The following ADPGK variants were observed in gnomAD, a reference collection of about 807,000 sequenced individuals.
ADPGK encodes ADP-dependent glucokinase.
ADPGK carries 26 observed loss-of-function variants against 42.4 expected under a neutral mutation model. That is an observed-to-expected ratio of 0.61 (90% confidence interval 0.45 to 0.85). The LOEUF (loss-of-function observed/expected upper bound fraction) is 0.85, where lower values mean the gene tolerates loss of function less well. ADPGK is among the 40% of genes least tolerant of loss of function. The probability of loss-of-function intolerance (pLI) is 0.00; values close to 1 mark genes in which losing one functional copy is unlikely to be tolerated. For missense variants in ADPGK, 571 were observed against 627.0 expected, an observed-to-expected ratio of 0.91 and a Z score of 0.95; for synonymous variants, 267 against 252.6, an observed-to-expected ratio of 1.06 and a Z score of -0.54.
chr15:72,759,453 AC>A (rs1566948818), intron 4 of ADPGK, among the ~76,000 whole-genome samples: 1 of 152,102 alleles, frequency 6.6e-6, no homozygotes, highest in African/African-American at 2.4e-5. Flanking sequence ...TTAATTCCCA[AC>A]TGATTCTAGT....
At chr15:72,777,455 G>GAGACCA (rs1394935150) in intron 1 of ADPGK, among the ~76,000 whole-genome samples, 1 of 152,140 alleles carries the variant, frequency 6.6e-6, no homozygotes, top group Non-Finnish European at 1.5e-5. Context: ...CGAGGCAGGT[G>GAGACCA]GATCATGAGG....
chr15:72,773,128 GT>G (rs2151088516), intron 2 of ADPGK, among the ~76,000 whole-genome samples: 1 of 152,058 alleles, frequency 6.6e-6, no homozygotes, highest in Non-Finnish European at 1.5e-5. Context: ...AAAAAAAAGG[GT>G]GGGGGGGAGG....
intron 3 of ADPGK, among the ~76,000 whole-genome samples, chr15:72,761,169 C>A (rs2066187617): frequency 6.6e-6 from 1 of 152,154 alleles, no homozygotes; most frequent in Non-Finnish European, 1.5e-5. Flanking sequence ...GTTGCTTGAG[C>A]CCCCAAGTCT....
chr15:72,756,647 A>AAC (rs1382810923), intron 4 of ADPGK, 200 bp from the exon 5 acceptor site: 2 of 602,040 alleles, frequency 3.3e-6, no homozygotes, highest in Admixed American at 3.0e-5. Flanking sequence ...AAACCCAGCC[A>AAC]AGAAACAGAA....
chr15:72,755,765 G>A, intron 5 of ADPGK, 111 bp from the exon 6 acceptor site: 2 of 799,966 alleles, frequency 2.5e-6, no homozygotes, highest in Non-Finnish European at 4.1e-6. Context: ...GGCCTTCTTT[G>A]CATGCTCACG....
intron 3 of ADPGK, among the ~76,000 whole-genome samples, chr15:72,760,753 G>A (rs2066182401): frequency 6.6e-6 from 1 of 152,126 alleles, no homozygotes; most frequent in Admixed American, 6.5e-5. Flanking sequence ...AGAACTGAGA[G>A]GCTGACAAAA....
rs1388448417 is a variant in ADPGK at position 72,752,779 on chromosome 15, C to T, written c.1056G>A (p.Val352=). ...AGAAGAGGATGTCACTGACCATGCC[C>T]ACATCAGGAACACCGTTCCAGGAAG... ...SLSSWNGVPD[V]GMVSDILFWI... The change falls in exon 7 of 7, where the codon GTG becomes GTA. Residue 352 remains valine (V), a synonymous_variant. Coordinates refer to ENST00000456471, the MANE Select transcript of ADPGK (RefSeq NM_001365225.1). 13 of 1,614,080 alleles carry T rather than the reference C, an allele frequency of 8.1e-6. No homozygotes were observed. In the Admixed American group the frequency reaches 2.0e-4, roughly 25 times the overall value.
chr15:72,780,466 G>C (rs1010043893), intron 1 of ADPGK, among the ~76,000 whole-genome samples: 1 of 152,130 alleles, frequency 6.6e-6, no homozygotes, highest in Admixed American at 6.6e-5. Flanking sequence ...AGATTTGAGT[G>C]GGGACACAAA....
chr15:72,754,936 G>A (rs1050271474), intron 6 of ADPGK, among the ~76,000 whole-genome samples: 1 of 152,174 alleles, frequency 6.6e-6, no homozygotes, highest in African/African-American at 2.4e-5. Flanking sequence ...TAGGGAAGGG[G>A]AGGAAGTAGA....
At position 72,783,496 on chromosome 15, in the gene ADPGK, C is replaced by G. The variant is rs776209142; in HGVS notation, c.196G>C (p.Val66Leu). The G allele has an allele frequency of 5.5e-6, 8 of 1,450,770 alleles. No individual in the cohort carries two copies. The African/African-American group carries it at 5.9e-5, about 11-fold the overall frequency. 89.9% of individuals were successfully genotyped at this position (1,450,770 alleles called of 1,614,324 possible). ...CGGCGCCAGCGCCGGACTGGCCGCA[C>G]GATAAGCGCGTCCCAGGCTGCCGCC... ...RLAAAWDALI[V>L]RPVRRWRRVA... Residue 66 changes from valine (V) to leucine (L), a missense_variant, in exon 1 of 7, where the codon GTG (valine) becomes CTG (leucine). Val to Leu is a conservative substitution (Grantham distance 32). Coordinates refer to ENST00000456471, the MANE Select transcript of ADPGK (RefSeq NM_001365225.1).
chr15:72,762,229 TCGAACTCCTGAGCTCAA>T lies in ADPGK; in HGVS notation c.523-1719_523-1703del, dbSNP rs1162973492. 2.0e-5 allele frequency among the ~76,000 whole-genome samples: 3 copies of T among 152,116 alleles called. No individual in the cohort carries two copies. The East Asian group carries it at 5.8e-4, about 29-fold the overall frequency. On this transcript the variant is annotated intron_variant, in intron 3 of 6. Transcript: ENST00000456471. ...CCTCACTATGTTGCCCAGGCTAGTC[TCGAACTCCTGAGCTCAA>T]GAGATCCTCCCAACTCAGCCTCCCA...
chr15:72,752,411 C>T lies in ADPGK; in HGVS notation c.1424G>A (p.Arg475Gln), dbSNP rs765461850. 18 of 1,614,080 alleles carry T rather than the reference C, an allele frequency of 1.1e-5. No individual in the cohort carries two copies. The highest frequency in any genetic ancestry group is 2.7e-5 in the African/African-American group (2 of 74,924). ...TPVLVCKDPI[R>Q]TVGLGDAISA... is the part of the protein sequence containing the mutation. ...AATGGCATCTCCAAGGCCTACAGTT[C>T]GAATGGGGTCTTTACACACCAATAC... Residue 475 changes from arginine (R) to glutamine (Q), a missense_variant, in exon 7 of 7, where the codon CGA (arginine) becomes CAA (glutamine). Arg to Gln is a conservative substitution (Grantham distance 43, BLOSUM62 1). Transcript: ENST00000456471.
intron 4 of ADPGK, chr15:72,758,416 TAA>T: frequency 2.1e-6 from 1 of 480,956 alleles, no homozygotes; most frequent in Admixed American, 3.4e-5. Context: ...GGAGATCTGG[TAA>T]GAGAGAATGT....
intron 1 of ADPGK, among the ~76,000 whole-genome samples, chr15:72,782,527 CA>C (rs5813692): frequency 2.6e-4 from 16 of 61,278 alleles, no homozygotes; most frequent in African/African-American, 9.0e-4. Context: ...ACCCTGTGTC[CA>C]AAAAAAAAAA....
At chr15:72,782,863 T>C (rs2066482333) in intron 1 of ADPGK, 1 of 152,252 alleles carries the variant, frequency 6.6e-6, no homozygotes, top group South Asian at 2.1e-4. Context: ...GGTAGTGTCA[T>C]TTGGAAGAAC....
intron 1 of ADPGK, chr15:72,783,183 A>T: frequency 1.7e-6 from 2 of 1,201,590 alleles, no homozygotes; most frequent in Non-Finnish European, 2.1e-6. Flanking sequence ...AACGAGGAAG[A>T]AGGCTCGGAG....
In ADPGK at chr15:72,774,959, C is replaced by A; in HGVS notation, c.372G>T (p.Gly124=). ...AGAAGCGCTCAGCAGCTGCTCCCTTCCCCATGAAGTGAATGAAGGCTTCTT... is the reference window on the plus strand; with the variant it reads ...AGAAGCGCTCAGCAGCTGCTCCCTTACCCATGAAGTGAATGAAGGCTTCTT... ...DLEEAFIHFM[G]KGAAAERFFS... is the part of the protein sequence containing the mutation. The change falls in exon 2 of 7, where the codon GGG becomes GGT. Residue 124 remains glycine, a synonymous_variant. Transcript: ENST00000456471. 6.2e-7 allele frequency: 1 copy of A among 1,614,180 alleles called. No individual in the cohort carries two copies. Among genetic ancestry groups the A allele is most frequent in the Middle Eastern group, 1.6e-4 (1 of 6,062 alleles).
At chr15:72,775,291 G>A (rs2066378356) in intron 1 of ADPGK, 194 bp from the exon 2 acceptor site, 2 of 588,920 alleles carry the variant, frequency 3.4e-6, no homozygotes, top group Non-Finnish European at 6.0e-6. Flanking sequence ...ATTAGCATCA[G>A]AACACAGGAC....
In ADPGK at chr15:72,783,636, C is replaced by T. The variant is rs2066499362; in HGVS notation, c.56G>A (p.Cys19Tyr). The T allele has an allele frequency of 1.3e-6, 2 of 1,512,994 alleles. No individual in the cohort carries two copies. The highest frequency in any genetic ancestry group is 1.2e-5 in the South Asian group (1 of 81,464). 93.7% of individuals were successfully genotyped at this position (1,512,994 alleles called of 1,614,324 possible). The change falls in exon 1 of 7, where the codon TGC becomes TAC. Residue 19 changes from cysteine (C) to tyrosine (Y), a missense_variant. Cys to Tyr is a radical substitution (Grantham distance 194). Coordinates refer to ENST00000456471, the MANE Select transcript of ADPGK (RefSeq NM_001365225.1). ...CAGCTCTGGCTCCAGCAGGAAGACG[C>T]AGCCCACGGCCAGCGCCAGGAAGCC... ...YAGFLALAVG[C>Y]VFLLEPELPG...
Sources: gnomAD v4.1 joint callset for allele counts (sites outside exome capture counted in the v4.1 genomes callset) on GRCh38, gnomAD v4.1.1 for gene constraint, MANE v1.5 for transcripts, NCBI Gene and HGNC (gene_info 2026-07-23, HGNC 2026-07-21) for gene names.